CADM2: variants seen among roughly 807,000 people sequenced by gnomAD.
CADM2 encodes the protein immunoglobulin superfamily member 4D.
CADM2 carries 12 observed loss-of-function variants against 49.8 expected under a neutral mutation model. The ratio of observed to expected loss-of-function variants is 0.24; its 90% CI spans 0.15 to 0.39. The LOEUF (loss-of-function observed/expected upper bound fraction) is 0.39, where lower values mean the gene tolerates loss of function less well. Among genes scored for constraint, CADM2 ranks in the 10% least tolerant of loss-of-function variants. CADM2 has a pLI of 1.00. For synonymous variants in CADM2, 214 were observed against 175.4 expected (o/e 1.22, Z -1.74); for missense variants, 378 against 492.3 (o/e 0.77, Z 2.20).
At chr3:85,839,173 T>C (rs1204473948) in intron 3 of CADM2, among the ~76,000 whole-genome samples, 4 of 151,828 alleles carry the variant, frequency 2.6e-5, no homozygotes, top group Non-Finnish European at 5.9e-5. Flanking sequence ...GTTCACCTGG[T>C]GTCTATAACT....
intron 1 of CADM2, among the ~76,000 whole-genome samples, chr3:85,684,218 A>G (rs907584872): frequency 6.6e-6 from 1 of 152,248 alleles, no homozygotes; most frequent in Non-Finnish European, 1.5e-5. Context: ...GTCTAATGAT[A>G]TGAAAGGATT....
intron 1 of CADM2, among the ~76,000 whole-genome samples, chr3:85,104,329 C>G (rs1289255026): frequency 6.6e-6 from 1 of 151,328 alleles, no homozygotes; most frequent in Non-Finnish European, 1.5e-5. Context: ...GCTTGTTTTT[C>G]TCAGGTTTGT....
chr3:85,540,095 A>T (rs907816183), intron 1 of CADM2, among the ~76,000 whole-genome samples: 3 of 152,038 alleles, frequency 2.0e-5, no homozygotes, highest in Non-Finnish European at 4.4e-5. Flanking sequence ...ATTTTAATGG[A>T]TTTCTTACTT....
chr3:85,520,172 A>G (rs1033125184), intron 1 of CADM2, among the ~76,000 whole-genome samples: 7 of 151,890 alleles, frequency 4.6e-5, no homozygotes, highest in African/African-American at 1.7e-4. Flanking sequence ...TTCGTTTAGA[A>G]CTCAAAGTGA....
In CADM2 at chr3:84,973,341, G is replaced by T. The variant is rs529937843; in HGVS notation, c.61+13673G>T. Reference sequence around the variant, plus strand: ...TTACAACAATGCTGTAAACCTCACTGGGCTTTTAACATTTTTTTTTTAAAT... The same window carrying T: ...TTACAACAATGCTGTAAACCTCACTTGGCTTTTAACATTTTTTTTTTAAAT... On this transcript the variant is annotated intron_variant, in intron 1 of 9. Transcript: ENST00000383699. Among the ~76,000 whole-genome samples, 266 of 152,116 alleles carry T rather than the reference G, an allele frequency of 1.7e-3. 1 individual carries two copies. Among genetic ancestry groups the T allele is most frequent in the South Asian group, 7.3e-3 (35 of 4,820 alleles).
At chr3:85,605,016 C>G (rs941896161) in intron 1 of CADM2, among the ~76,000 whole-genome samples, 4 of 151,954 alleles carry the variant, frequency 2.6e-5, no homozygotes, top group African/African-American at 9.7e-5. Flanking sequence ...ATCATCAGTT[C>G]CAGTTGAAGA....
At chr3:85,186,710 C>T (rs1028986021) in intron 1 of CADM2, among the ~76,000 whole-genome samples, 5 of 151,752 alleles carry the variant, frequency 3.3e-5, no homozygotes, top group Non-Finnish European at 7.4e-5. Context: ...TCTTGACAAT[C>T]GGAAACGTCT....
chr3:85,117,637 A>G (rs1244235687), intron 1 of CADM2, among the ~76,000 whole-genome samples: 1 of 152,166 alleles, frequency 6.6e-6, no homozygotes, highest in Non-Finnish European at 1.5e-5. Flanking sequence ...ATCACTAATG[A>G]ATTGTTTATC....
chr3:85,040,834 C>T (rs2035404592), intron 1 of CADM2, among the ~76,000 whole-genome samples: 1 of 152,088 alleles, frequency 6.6e-6, no homozygotes, highest in African/African-American at 2.4e-5. Flanking sequence ...ATATATAAAT[C>T]AGAATCTATG....
At chr3:85,208,854 C>T (rs1327137803) in intron 1 of CADM2, among the ~76,000 whole-genome samples, 5 of 152,118 alleles carry the variant, frequency 3.3e-5, no homozygotes, top group African/African-American at 1.2e-4. Flanking sequence ...ATAACATTCA[C>T]GGGTGTCACC....
chr3:85,672,429 T>C (rs2107637033), intron 1 of CADM2, among the ~76,000 whole-genome samples: 1 of 152,206 alleles, frequency 6.6e-6, no homozygotes, highest in South Asian at 2.1e-4. Flanking sequence ...CCTGACCTTG[T>C]GATCCGCTCG....
At chr3:86,002,438 C>A (rs1730299294) in intron 8 of CADM2, among the ~76,000 whole-genome samples, 1 of 152,102 alleles carries the variant, frequency 6.6e-6, no homozygotes, top group Non-Finnish European at 1.5e-5. Context: ...TTCTTAATTA[C>A]AATCACAATT....
At chr3:85,782,417 C>A (rs1207823956) in intron 2 of CADM2, among the ~76,000 whole-genome samples, 1 of 152,024 alleles carries the variant, frequency 6.6e-6, no homozygotes, top group African/African-American at 2.4e-5. Flanking sequence ...TGGCTCATGC[C>A]TATAATCTCA....
intron 7 of CADM2, among the ~76,000 whole-genome samples, chr3:85,944,242 C>A (rs1372574186): frequency 6.6e-6 from 1 of 152,138 alleles, no homozygotes; most frequent in Middle Eastern, 3.4e-3. Context: ...TATATATGCG[C>A]CCAATACAGG....
intron 1 of CADM2, among the ~76,000 whole-genome samples, chr3:85,003,667 A>G (rs772848200): frequency 2.0e-5 from 3 of 152,142 alleles, no homozygotes; most frequent in Non-Finnish European, 2.9e-5. Context: ...ACATTTCTAC[A>G]GAGTATTGTG....
intron 2 of CADM2, among the ~76,000 whole-genome samples, chr3:85,787,714 A>G (rs1250508709): frequency 6.6e-6 from 1 of 152,070 alleles, no homozygotes; most frequent in African/African-American, 2.4e-5. Flanking sequence ...AGAAAACAGC[A>G]TTTTCTGATA....
At chr3:85,546,888 A>G (rs1020071755) in intron 1 of CADM2, among the ~76,000 whole-genome samples, 2 of 152,218 alleles carry the variant, frequency 1.3e-5, no homozygotes, top group African/African-American at 2.4e-5. Context: ...TATATAGCAG[A>G]GAAAAATCTG....
intron 1 of CADM2, among the ~76,000 whole-genome samples, chr3:85,708,864 A>G (rs539676974): frequency 6.6e-6 from 1 of 152,050 alleles, no homozygotes; most frequent in Non-Finnish European, 1.5e-5. Flanking sequence ...AATATTTTTT[A>G]AAAAGGTTGT....
chr3:85,827,806 A>C (rs558052858), intron 3 of CADM2, among the ~76,000 whole-genome samples: 1 of 152,006 alleles, frequency 6.6e-6, no homozygotes, highest in Non-Finnish European at 1.5e-5. Context: ...TATCGTACTC[A>C]AAGTGAATGA....
Sources: gnomAD v4.1 joint callset for allele counts (sites outside exome capture counted in the v4.1 genomes callset) on GRCh38, gnomAD v4.1.1 for gene constraint, MANE v1.5 for transcripts, NCBI Gene and HGNC (gene_info 2026-07-23, HGNC 2026-07-21) for gene names.